EYA3: variants seen among roughly 807,000 people sequenced by gnomAD.
The protein encoded by EYA3 is protein phosphatase EYA3.
A neutral mutation model predicts 80.0 loss-of-function variants in EYA3; 39 were observed. The ratio of observed to expected loss-of-function variants is 0.49; its 90% CI spans 0.38 to 0.64. The LOEUF is 0.64. Ranked by LOEUF, EYA3 falls within the 30% of genes least tolerant of loss-of-function variation. EYA3 has a pLI of 0.00. For missense variants in EYA3, 523 were observed against 676.1 expected (o/e 0.77, Z 2.51); for synonymous variants, 206 against 232.8 (o/e 0.88, Z 1.05).
At chr1:28,045,073 A>C (rs1306452927) in intron 3 of EYA3, among the ~76,000 whole-genome samples, 1 of 152,196 alleles carries the variant, frequency 6.6e-6, no homozygotes, top group East Asian at 1.9e-4. Flanking sequence ...GTCCAGCTTT[A>C]ATGGTATATT....
intron 2 of EYA3, among the ~76,000 whole-genome samples, chr1:28,056,425 C>T (rs535421829): frequency 1.3e-5 from 2 of 152,302 alleles, no homozygotes; most frequent in African/African-American, 2.4e-5. Context: ...GTGGTACTTC[C>T]CCCGTGTGGC....
intron 6 of EYA3, among the ~76,000 whole-genome samples, chr1:28,035,235 C>G (rs142569449): frequency 1.6e-3 from 245 of 152,240 alleles, no homozygotes; most frequent in South Asian, 4.8e-3. Context: ...ATTTATTATG[C>G]TTTCCTAATG....
At chr1:27,999,158 A>G (rs755863147) in intron 12 of EYA3, among the ~76,000 whole-genome samples, 4 of 152,254 alleles carry the variant, frequency 2.6e-5, no homozygotes, top group Non-Finnish European at 5.9e-5. Flanking sequence ...TTCAAAGGAC[A>G]TGAAGTGAAA....
chr1:27,977,196 CAT>C (rs1638975064), intron 17 of EYA3: 1 of 1,486,620 alleles, frequency 6.7e-7, no homozygotes. Context: ...AGCTTCATAA[CAT>C]ATGTGAAAAA....
At chr1:28,028,392 C>T (rs1642913285) in intron 6 of EYA3, among the ~76,000 whole-genome samples, 1 of 152,138 alleles carries the variant, frequency 6.6e-6, no homozygotes, top group Non-Finnish European at 1.5e-5. Flanking sequence ...TCTCTGCCTT[C>T]TTAAGCTGGT....
At chr1:28,017,023 T>C (rs1311084415) in intron 8 of EYA3, 131 bp downstream of exon 8, 1 of 671,294 alleles carries the variant, frequency 1.5e-6, no homozygotes, top group Admixed American at 2.7e-5. Context: ...GTTCTGAAGG[T>C]ATCCAGAAAA....
chr1:28,017,287 G>C, intron 7 of EYA3, 48 bp from the exon 8 acceptor site: 1 of 1,402,390 alleles, frequency 7.1e-7, no homozygotes, highest in Non-Finnish European at 1.0e-6. Flanking sequence ...TATGTAAAAG[G>C]TTAGAAGAAA....
intron 1 of EYA3, among the ~76,000 whole-genome samples, chr1:28,079,820 G>C (rs1365732432): frequency 6.6e-6 from 1 of 150,442 alleles, no homozygotes; most frequent in Non-Finnish European, 1.5e-5. Context: ...GGTAGAGACA[G>C]GGTCTCGCTA....
At chr1:28,063,512 A>G (rs1425092378) in intron 1 of EYA3, among the ~76,000 whole-genome samples, 2 of 151,840 alleles carry the variant, frequency 1.3e-5, no homozygotes, top group Non-Finnish European at 2.9e-5. Flanking sequence ...GTGCGCCACC[A>G]CACCTGGTTA....
At chr1:28,044,438 TTAACTG>T (rs1014108530) in intron 3 of EYA3, among the ~76,000 whole-genome samples, 5 of 152,328 alleles carry the variant, frequency 3.3e-5, no homozygotes, top group Admixed American at 6.5e-5. Flanking sequence ...TAAGCACACT[TTAACTG>T]TAACTGTTAT....
chr1:27,994,354 A>C (rs1004902770), intron 13 of EYA3, among the ~76,000 whole-genome samples: 1 of 152,178 alleles, frequency 6.6e-6, no homozygotes, highest in African/African-American at 2.4e-5. Flanking sequence ...CTTTCAGATG[A>C]TTAGAGCTCT....
intron 5 of EYA3, among the ~76,000 whole-genome samples, chr1:28,037,809 AAGAC>A (rs962077753): frequency 2.6e-5 from 4 of 152,212 alleles, no homozygotes; most frequent in African/African-American, 7.2e-5. Flanking sequence ...AGGGAAAAGA[AAGAC>A]AGTTTCCTTT....
intron 10 of EYA3, among the ~76,000 whole-genome samples, chr1:28,007,633 A>G (rs1039979377): frequency 1.3e-5 from 2 of 151,912 alleles, no homozygotes. Flanking sequence ...CGCCCGGCCA[A>G]TCAGCTGTAT....
chr1:28,067,599 C>T (rs573625320), intron 1 of EYA3, among the ~76,000 whole-genome samples: 1 of 151,908 alleles, frequency 6.6e-6, no homozygotes, highest in South Asian at 2.1e-4. Context: ...TCTTGCCTTA[C>T]CTAAAAAATC....
At chr1:28,018,086 C>T (rs1642190597) in intron 7 of EYA3, among the ~76,000 whole-genome samples, 2 of 151,886 alleles carry the variant, frequency 1.3e-5, no homozygotes, top group Admixed American at 6.6e-5. Flanking sequence ...ATCCCAGTTA[C>T]TCAGGAGGCT....
chr1:28,020,950 A>C (rs934652546), intron 7 of EYA3, among the ~76,000 whole-genome samples: 20 of 152,164 alleles, frequency 1.3e-4, no homozygotes, highest in African/African-American at 4.8e-4. Context: ...CACTTTTGAG[A>C]ACCAGGCCCC....
chr1:28,021,647 C>T (rs1013877966), intron 7 of EYA3, among the ~76,000 whole-genome samples: 35 of 151,706 alleles, frequency 2.3e-4, no homozygotes, highest in African/African-American at 8.2e-4. Flanking sequence ...TCTGTCACCC[C>T]GGCTGGAGTG....
chr1:28,016,471 G>A lies in EYA3; in HGVS notation c.585+683C>T, dbSNP rs555342076. On this transcript the variant is annotated intron_variant, in intron 8 of 17. Coordinates refer to ENST00000373871, the MANE Select transcript of EYA3 (RefSeq NM_001990.4). ...TTGAACCTGAGAGGCAGAGGTTGCA[G>A]TGAGCCAAGATCGCACCACTGTACT... 8.7e-5 allele frequency among the ~76,000 whole-genome samples: 13 copies of A among 149,684 alleles called. No individual in the cohort carries two copies. The East Asian group carries it at 2.6e-3, about 30-fold the overall frequency.
chr1:27,989,848 A>C (rs761157917), intron 14 of EYA3, 37 bp from the exon 15 acceptor site: 1 of 1,381,894 alleles, frequency 7.2e-7, no homozygotes, highest in Non-Finnish European at 1.0e-6. Flanking sequence ...ATCATTTGAC[A>C]ACATATATTT....
Sources: gnomAD v4.1 joint callset for allele counts (sites outside exome capture counted in the v4.1 genomes callset) on GRCh38, gnomAD v4.1.1 for gene constraint, MANE v1.5 for transcripts, NCBI Gene and HGNC (gene_info 2026-07-23, HGNC 2026-07-21) for gene names.